Variants in SOX5 observed in about 807,000 individuals in gnomAD.
SOX5 encodes the protein SRY-box transcription factor 5, also known as transcription factor SOX-5.
SOX5 carries 9 observed loss-of-function variants against 92.0 expected under a neutral mutation model. The observed-to-expected ratio is 0.10, with a 90% CI of 0.06 to 0.17. The LOEUF (loss-of-function observed/expected upper bound fraction) is 0.17. Ranked by LOEUF, SOX5 falls within the 10% of genes least tolerant of loss-of-function variation. The pLI, the probability that SOX5 is intolerant of heterozygous loss-of-function variation, is 1.00. For synonymous variants in SOX5, 344 were observed against 336.3 expected (o/e 1.02, Z -0.25); for missense variants, 642 against 944.5 (o/e 0.68, Z 4.20).
upstream of SOX5, among the ~76,000 whole-genome samples, chr12:23,955,721 T>C (rs1244462388): frequency 1.3e-5 from 2 of 151,834 alleles, no homozygotes; most frequent in African/African-American, 4.8e-5. Context: ...ACCCTCGTGG[T>C]AAAAATCGGA....
At chr12:24,169,902 C>T (rs1953877777) in intron 4 of SOX5, among the ~76,000 whole-genome samples, 2 of 152,176 alleles carry the variant, frequency 1.3e-5, no homozygotes, top group Non-Finnish European at 1.5e-5. Flanking sequence ...CAGCCTTATA[C>T]TTGTCCAGCT....
At chr12:23,718,042 T>A (rs1266546107) in intron 6 of SOX5, among the ~76,000 whole-genome samples, 3 of 152,038 alleles carry the variant, frequency 2.0e-5, no homozygotes, top group Admixed American at 2.0e-4. Flanking sequence ...TAAAATATTT[T>A]AAAATTAAAG....
intron 2 of SOX5, among the ~76,000 whole-genome samples, chr12:23,885,721 C>T (rs547347707): frequency 2.6e-5 from 4 of 152,190 alleles, no homozygotes; most frequent in South Asian, 2.1e-4. Context: ...ATTTTGCACA[C>T]AAAGGAGATA....
At chr12:23,796,609 A>G (rs951637073) in intron 3 of SOX5, among the ~76,000 whole-genome samples, 2 of 152,004 alleles carry the variant, frequency 1.3e-5, no homozygotes, top group African/African-American at 4.8e-5. Flanking sequence ...TTAAGTCTGG[A>G]TTAAATTCTC....
At chr12:23,955,010 T>C (rs761606595), upstream of SOX5, among the ~76,000 whole-genome samples, 2 of 152,136 alleles carry the variant, frequency 1.3e-5, no homozygotes, top group Admixed American at 6.6e-5. Flanking sequence ...TCTCATTTAA[T>C]AGTCAAAACA....
intron 4 of SOX5, among the ~76,000 whole-genome samples, chr12:24,099,089 G>A (rs573494534): frequency 6.6e-6 from 1 of 152,216 alleles, no homozygotes; most frequent in Non-Finnish European, 1.5e-5. Context: ...TCTGGCTAGG[G>A]TCTTATTCCA....
chr12:24,304,307 T>G (rs1339029512), intron 2 of SOX5, among the ~76,000 whole-genome samples: 1 of 152,064 alleles, frequency 6.6e-6, no homozygotes, highest in African/African-American at 2.4e-5. Context: ...ATATGTTGGG[T>G]AGAAGAATGG....
chr12:23,966,380 A>T (rs1222325676), intron 4 of SOX5, among the ~76,000 whole-genome samples: 2 of 152,156 alleles, frequency 1.3e-5, no homozygotes, highest in Non-Finnish European at 2.9e-5. Flanking sequence ...TAAGTAACAC[A>T]TTTAATTCTG....
intron 3 of SOX5, among the ~76,000 whole-genome samples, chr12:23,804,781 T>C (rs1442495919): frequency 1.3e-5 from 2 of 151,654 alleles, no homozygotes; most frequent in Non-Finnish European, 2.9e-5. Context: ...GAATACCGTT[T>C]TCTCCTTAAA....
At chr12:24,057,934 C>T (rs998373312) in intron 4 of SOX5, among the ~76,000 whole-genome samples, 1 of 152,054 alleles carries the variant, frequency 6.6e-6, no homozygotes, top group Non-Finnish European at 1.5e-5. Context: ...AAATTTTTTG[C>T]GAAGAGAAAA....
chr12:23,540,843 A>G (rs578168506), intron 13 of SOX5, among the ~76,000 whole-genome samples: 1 of 152,346 alleles, frequency 6.6e-6, no homozygotes, highest in South Asian at 2.1e-4. Flanking sequence ...AGCAGAATGA[A>G]TTAGCGGCAT....
chr12:23,988,433 T>C (rs979379366), intron 4 of SOX5, among the ~76,000 whole-genome samples: 2 of 152,138 alleles, frequency 1.3e-5, no homozygotes, highest in African/African-American at 4.8e-5. Context: ...AGGGTTGGGA[T>C]TTGAGGAAAT....
intron 2 of SOX5, among the ~76,000 whole-genome samples, chr12:24,288,392 A>G (rs1197740646): frequency 6.6e-6 from 1 of 152,204 alleles, no homozygotes; most frequent in Non-Finnish European, 1.5e-5. Context: ...TTCAGAGTAT[A>G]ACATTTTCTG....
At chr12:24,177,620 A>G (rs1954970328) in intron 4 of SOX5, among the ~76,000 whole-genome samples, 1 of 152,184 alleles carries the variant, frequency 6.6e-6, no homozygotes, top group Admixed American at 6.5e-5. Flanking sequence ...TCTTTCTCCC[A>G]TAAGTATATT....
intron 3 of SOX5, among the ~76,000 whole-genome samples, chr12:23,816,419 C>T (rs1037568051): frequency 1.3e-5 from 2 of 151,804 alleles, no homozygotes; most frequent in Non-Finnish European, 1.5e-5. Flanking sequence ...ACTATGTTGG[C>T]CAGGTTGATC....
intron 1 of SOX5, among the ~76,000 whole-genome samples, chr12:24,495,546 T>C (rs532613973): frequency 3.3e-5 from 5 of 152,338 alleles, no homozygotes; most frequent in African/African-American, 7.2e-5. Context: ...AATCTGGATG[T>C]TGATTTCTTT....
chr12:23,853,015 G>A (rs1004171987), intron 2 of SOX5, among the ~76,000 whole-genome samples: 3 of 151,672 alleles, frequency 2.0e-5, no homozygotes, highest in African/African-American at 7.3e-5. Flanking sequence ...TAAAGTAATG[G>A]GACAAGAATT....
chr12:24,402,311 A>G (rs56202815), intron 1 of SOX5, among the ~76,000 whole-genome samples: 8,730 of 152,260 alleles, frequency 0.057, 834 homozygotes, highest in African/African-American at 0.2. Context: ...GTAAATCCAG[A>G]AATATGAAAA....
At chr12:23,942,055 T>C (rs906253559) in intron 1 of SOX5, among the ~76,000 whole-genome samples, 1 of 151,708 alleles carries the variant, frequency 6.6e-6, no homozygotes, top group Non-Finnish European at 1.5e-5. Context: ...GGAAGAATTG[T>C]AGGCAAACAA....
Sources: gnomAD v4.1 joint callset for allele counts (sites outside exome capture counted in the v4.1 genomes callset) on GRCh38, gnomAD v4.1.1 for gene constraint, MANE v1.5 for transcripts, NCBI Gene and HGNC (gene_info 2026-07-23, HGNC 2026-07-21) for gene names.